Variants in EVA1C observed in about 807,000 individuals in gnomAD.
The protein encoded by EVA1C is protein eva-1 homolog C.
In EVA1C, 25 loss-of-function variants were observed where a neutral mutation model predicts 45.4. The ratio of observed to expected loss-of-function variants is 0.55; its 90% CI spans 0.40 to 0.77. EVA1C has a LOEUF of 0.77. Among genes scored for constraint, EVA1C ranks in the 30% least tolerant of loss-of-function variants. The pLI is 0.00. For missense variants in EVA1C, 479 were observed against 554.8 expected, an observed-to-expected ratio of 0.86 and a Z score of 1.37; for synonymous variants, 190 against 221.2, an observed-to-expected ratio of 0.86 and a Z score of 1.25.
At chr21:32,502,006 TTCTTTCTTTCTTTC>T (rs1236861551) in intron 6 of EVA1C, among the ~76,000 whole-genome samples, 6 of 120,426 alleles carry the variant, frequency 5.0e-5, no homozygotes, top group Non-Finnish European at 1.0e-4. Context: ...CTTTCTTTCT[TTCTTTCTTTCTTTC>T]TTTCTTTCTT....
chr21:32,501,200 T>C (rs543230692), intron 5 of EVA1C, among the ~76,000 whole-genome samples: 143 of 151,388 alleles, frequency 9.4e-4, no homozygotes, highest in African/African-American at 3.3e-3. Flanking sequence ...TATTGCAAAA[T>C]GGGCCTAAAA....
At chr21:32,446,072 C>T (rs1205264680) in intron 1 of EVA1C, among the ~76,000 whole-genome samples, 6 of 152,096 alleles carry the variant, frequency 3.9e-5, no homozygotes, top group South Asian at 4.2e-4. Flanking sequence ...GGTGAAACCC[C>T]GTCTCTACTA....
At chr21:32,503,838 T>C (rs1294483046) in intron 6 of EVA1C, 88 bp from the exon 7 acceptor site, 1 of 789,518 alleles carries the variant, frequency 1.3e-6, no homozygotes, top group African/African-American at 1.8e-5. Flanking sequence ...ATTCCGGCGG[T>C]CCCTGGGGTA....
chr21:32,437,385 G>A (rs1427797477), intron 1 of EVA1C, among the ~76,000 whole-genome samples: 2 of 151,982 alleles, frequency 1.3e-5, no homozygotes, highest in African/African-American at 4.8e-5. Context: ...TCCCCCGGAG[G>A]ACTGCCTGTA....
At chr21:32,501,896 A>G (rs2037541165) in intron 6 of EVA1C, among the ~76,000 whole-genome samples, 1 of 151,970 alleles carries the variant, frequency 6.6e-6, no homozygotes, top group Non-Finnish European at 1.5e-5. Flanking sequence ...ACCTCTGTAC[A>G]CACCACCTTC....
chr21:32,429,398 G>A (rs752490636), intron 1 of EVA1C, among the ~76,000 whole-genome samples: 2 of 152,024 alleles, frequency 1.3e-5, no homozygotes, highest in Non-Finnish European at 2.9e-5. Flanking sequence ...TTGTCCCCCA[G>A]GCTGGAGTGC....
At chr21:32,467,668 G>C in intron 3 of EVA1C, 28 bp from the exon 4 acceptor site, 1 of 1,588,650 alleles carries the variant, frequency 6.3e-7, no homozygotes. Context: ...GAAGCTGATG[G>C]TGCCTTCAAT....
At chr21:32,416,236 T>G (rs767789873) in intron 1 of EVA1C, among the ~76,000 whole-genome samples, 270 of 152,142 alleles carry the variant, frequency 1.8e-3, no homozygotes, top group Middle Eastern at 3.4e-3. Context: ...GTGCTTCTAA[T>G]TTGTGTTGTT....
intron 1 of EVA1C, chr21:32,428,789 G>A (rs1461721247): frequency 6.6e-6 from 1 of 152,212 alleles, no homozygotes; most frequent in Admixed American, 6.5e-5. Context: ...AAAAGGCAGT[G>A]TTGACTATTA....
At chr21:32,508,289 C>A (rs1400577064) in intron 7 of EVA1C, among the ~76,000 whole-genome samples, 1 of 152,184 alleles carries the variant, frequency 6.6e-6, no homozygotes, top group Non-Finnish European at 1.5e-5. Context: ...ACTGCCCCTG[C>A]CCCCTTGGGA....
chr21:32,461,939 T>C (rs2036012976), intron 3 of EVA1C, among the ~76,000 whole-genome samples: 2 of 152,098 alleles, frequency 1.3e-5, no homozygotes, highest in Non-Finnish European at 2.9e-5. Flanking sequence ...TTTCTAGGAC[T>C]CAGTTGTAAC....
intron 4 of EVA1C, among the ~76,000 whole-genome samples, chr21:32,478,210 T>G (rs1020806820): frequency 6.6e-6 from 1 of 150,936 alleles, no homozygotes; most frequent in Non-Finnish European, 1.5e-5. Flanking sequence ...AAGAGATAAT[T>G]AAGTTTTATA....
At chr21:32,478,280 T>A (rs949387327) in intron 4 of EVA1C, among the ~76,000 whole-genome samples, 13 of 151,902 alleles carry the variant, frequency 8.6e-5, no homozygotes, top group African/African-American at 3.1e-4. Context: ...GTGCAGTGGC[T>A]CGATCTCAGC....
At chr21:32,430,584 C>A (rs899996783) in intron 1 of EVA1C, among the ~76,000 whole-genome samples, 4 of 152,030 alleles carry the variant, frequency 2.6e-5, no homozygotes, top group African/African-American at 9.7e-5. Context: ...ACTGGGGAGG[C>A]CTCATGATTA....
At chr21:32,439,976 T>G (rs1452864958) in intron 1 of EVA1C, among the ~76,000 whole-genome samples, 1 of 152,178 alleles carries the variant, frequency 6.6e-6, no homozygotes, top group Non-Finnish European at 1.5e-5. Context: ...GTAGGTATCA[T>G]GCTTACCTTG....
chr21:32,450,569 A>T (rs984410170), intron 1 of EVA1C, among the ~76,000 whole-genome samples: 7 of 151,922 alleles, frequency 4.6e-5, no homozygotes, highest in Non-Finnish European at 1.0e-4. Context: ...GAAGAGATCT[A>T]AGTATAGGGG....
intron 7 of EVA1C, among the ~76,000 whole-genome samples, chr21:32,507,737 T>G (rs1360247190): frequency 1.4e-5 from 2 of 138,246 alleles, no homozygotes; most frequent in South Asian, 2.4e-4. Context: ...CATACGTGTA[T>G]CTGCATGTGC....
chr21:32,483,666 C>T (rs2036870083), intron 4 of EVA1C, among the ~76,000 whole-genome samples: 1 of 152,142 alleles, frequency 6.6e-6, no homozygotes, highest in Non-Finnish European at 1.5e-5. Flanking sequence ...ATCAGGCACC[C>T]CTACAAAATA....
At chr21:32,477,534 G>A (rs529336548) in intron 4 of EVA1C, among the ~76,000 whole-genome samples, 5 of 152,156 alleles carry the variant, frequency 3.3e-5, no homozygotes, top group Non-Finnish European at 7.4e-5. Context: ...TCCCCTGAGG[G>A]CTGGACTTGC....
Sources: gnomAD v4.1 joint callset for allele counts (sites outside exome capture counted in the v4.1 genomes callset) on GRCh38, gnomAD v4.1.1 for gene constraint, MANE v1.5 for transcripts, NCBI Gene and HGNC (gene_info 2026-07-23, HGNC 2026-07-21) for gene names.